The following ZNF560 variants were observed in gnomAD, a reference collection of about 807,000 sequenced individuals.
The protein encoded by ZNF560 is zinc finger protein 560.
Under a neutral mutation model 81.8 loss-of-function variants are expected in ZNF560, and 54 were observed. The observed-to-expected ratio is 0.66, with a 90% CI of 0.53 to 0.83. ZNF560 has a LOEUF of 0.83. ZNF560 is among the 40% of genes least tolerant of loss of function. ZNF560 has a pLI of 0.00. For synonymous variants in ZNF560, 321 were observed against 317.9 expected (o/e 1.01, Z -0.10); for missense variants, 940 against 932.4 (o/e 1.01, Z -0.11).
At chr19:9,497,458 C>G (rs189141112) in intron 2 of ZNF560, among the ~76,000 whole-genome samples, 237 of 149,540 alleles carry the variant, frequency 1.6e-3, no homozygotes, top group African/African-American at 5.3e-3. Flanking sequence ...TCGCTTGAAC[C>G]CGGGAGGCAG....
the ZNF560 span, among the ~76,000 whole-genome samples, chr19:9,458,191 T>A: frequency 6.6e-6 from 1 of 152,194 alleles, no homozygotes; most frequent in Non-Finnish European, 1.5e-5. Flanking sequence ...ACAGCAAGCT[T>A]TTATAAATAG....
intron 2 of ZNF560, among the ~76,000 whole-genome samples, chr19:9,491,341 C>T (rs188127933): frequency 4.5e-4 from 69 of 152,016 alleles, no homozygotes; most frequent in African/African-American, 1.6e-3. Flanking sequence ...AGGCTGGTCT[C>T]GAACTCCTGG....
chr19:9,446,800 G>A, the ZNF560 span, among the ~76,000 whole-genome samples: 1 of 152,078 alleles, frequency 6.6e-6, no homozygotes, highest in African/African-American at 2.4e-5. Flanking sequence ...ATATTCACCT[G>A]ACAAAATTAG....
At chr19:9,457,147 T>C in the ZNF560 span, among the ~76,000 whole-genome samples, 7,352 of 152,210 alleles carry the variant, frequency 0.048, 614 homozygotes, top group African/African-American at 0.17. Flanking sequence ...GCTCAAACTC[T>C]CTCCCCTTGG....
At chr19:9,482,070 T>C (rs2073297963) in intron 2 of ZNF560, among the ~76,000 whole-genome samples, 1 of 152,136 alleles carries the variant, frequency 6.6e-6, no homozygotes, top group Non-Finnish European at 1.5e-5. Context: ...GTGGCACATA[T>C]ACACAATGGA....
the ZNF560 span, among the ~76,000 whole-genome samples, chr19:9,454,384 G>T: frequency 3.3e-3 from 497 of 152,264 alleles, 1 homozygote; most frequent in Admixed American, 8.0e-3. Flanking sequence ...GACCAAGCTG[G>T]TCTCAGCAAG....
intron 2 of ZNF560, among the ~76,000 whole-genome samples, chr19:9,486,807 G>A (rs1568463198): frequency 6.6e-6 from 1 of 151,816 alleles, no homozygotes; most frequent in Non-Finnish European, 1.5e-5. Flanking sequence ...CTTCCTTCAA[G>A]CCTCCTTGCT....
At chr19:9,463,926 G>A (rs150872995), downstream of ZNF560, among the ~76,000 whole-genome samples, 2,039 of 152,182 alleles carry the variant, frequency 0.013, 19 homozygotes, top group Middle Eastern at 0.031. Context: ...CAAGTGATCC[G>A]CCTGACTTGG....
rs1440013576 is a variant in ZNF560, at chr19:9,466,617, A to G, written c.2330T>C (p.Phe777Ser). The change falls in exon 10 of 10, where the codon TTT (phenylalanine) becomes TCT (serine). Residue 777 changes from phenylalanine to serine, a missense_variant. By Grantham distance (155) the Phe-to-Ser change is radical. Transcript: ENST00000301480. ...PFECDQCGKA[F>S]ASFSARIAHL... Reference sequence around the variant, plus strand: ...TGCAATACGAGCTGAGAAAGAAGCAAAGGCTTTCCCACACTGGTCACATTC... The same window carrying G: ...TGCAATACGAGCTGAGAAAGAAGCAGAGGCTTTCCCACACTGGTCACATTC... 6.2e-7 allele frequency: 1 copy of G among 1,609,480 alleles called. No homozygotes were observed. The highest frequency in any genetic ancestry group is 1.3e-5 in the African/African-American group (1 of 74,760).
the ZNF560 span, among the ~76,000 whole-genome samples, chr19:9,459,479 CCTA>C: frequency 7.9e-5 from 12 of 152,168 alleles, no homozygotes; most frequent in Admixed American, 4.6e-4. Context: ...CATCTAAAGC[CCTA>C]CTATGTTGGG....
chr19:9,450,979 A>G, the ZNF560 span, among the ~76,000 whole-genome samples: 1 of 152,238 alleles, frequency 6.6e-6, no homozygotes, highest in Non-Finnish European at 1.5e-5. Context: ...ACACTGCTGA[A>G]AAACAATGGA....
At chr19:9,481,210 G>T (rs1478416659) in intron 2 of ZNF560, among the ~76,000 whole-genome samples, 1 of 152,114 alleles carries the variant, frequency 6.6e-6, no homozygotes, top group Non-Finnish European at 1.5e-5. Flanking sequence ...GGGAAAACTG[G>T]CTAGCCATAT....
downstream of ZNF560, among the ~76,000 whole-genome samples, chr19:9,461,446 G>C (rs928038450): frequency 6.6e-6 from 1 of 152,146 alleles, no homozygotes; most frequent in African/African-American, 2.4e-5. Context: ...AAAATTCTAA[G>C]AAGTTCTCAG....
chr19:9,481,496 T>C (rs1191612656), intron 2 of ZNF560, among the ~76,000 whole-genome samples: 1 of 152,100 alleles, frequency 6.6e-6, no homozygotes, highest in Non-Finnish European at 1.5e-5. Flanking sequence ...ACCTACAGAA[T>C]GGGAGAAAAT....
chr19:9,502,187 T>G (rs1225896786), upstream of ZNF560, among the ~76,000 whole-genome samples: 1 of 150,906 alleles, frequency 6.6e-6, no homozygotes, highest in Non-Finnish European at 1.5e-5. Context: ...AAGTGTTCTC[T>G]CATGTTTTGT....
chr19:9,455,699 A>G, the ZNF560 span, among the ~76,000 whole-genome samples: 1 of 152,322 alleles, frequency 6.6e-6, no homozygotes, highest in African/African-American at 2.4e-5. Context: ...TGCAGTTATT[A>G]GCTTTTGACA....
Position 9,468,105 on chromosome 19 carries a change from T to C in ZNF560, c.842A>G (p.Gln281Arg), listed in dbSNP as rs995565518. The C allele has an allele frequency of 5.6e-6, 9 of 1,614,090 alleles. No homozygotes were observed. The highest frequency in any genetic ancestry group is 7.6e-6 in the Non-Finnish European group (9 of 1,179,992). The change falls in exon 10 of 10, where the codon CAG (glutamine) becomes CGG (arginine). Residue 281 changes from glutamine to arginine, a missense_variant. Coordinates refer to ENST00000301480, the MANE Select transcript of ZNF560 (RefSeq NM_152476.3). ...ATCTTGTGTACACTTTCTCTGGACC[T>C]GAACATTTAAAATCAGGCGGAAAGA... Reference protein sequence around the residue: ...GKSFRLILNVQVQRKCTQDKS... With the variant: ...GKSFRLILNVRVQRKCTQDKS...
intron 5 of ZNF560, among the ~76,000 whole-genome samples, chr19:9,471,951 A>T (rs1427398822): frequency 1.3e-5 from 2 of 152,248 alleles, no homozygotes; most frequent in South Asian, 2.1e-4. Flanking sequence ...TCTACTAAAA[A>T]TACAAAAAAT....
At chr19:9,476,146 C>A (rs2073198891) in intron 2 of ZNF560, among the ~76,000 whole-genome samples, 1 of 152,016 alleles carries the variant, frequency 6.6e-6, no homozygotes, top group Admixed American at 6.6e-5. Context: ...GCTCTGTGTC[C>A]CCACCCAAAT....
Sources: allele counts gnomAD v4.1 joint callset (sites outside exome capture counted in the v4.1 genomes callset), GRCh38; gene constraint gnomAD v4.1.1; transcripts MANE v1.5; gene names NCBI Gene and HGNC (gene_info 2026-07-23, HGNC 2026-07-21).